Variants in PHLPP1 observed in about 807,000 individuals in gnomAD.
PHLPP1 encodes PH domain and leucine rich repeat protein phosphatase 1.
Under a neutral mutation model 117.2 loss-of-function variants are expected in PHLPP1, and 42 were observed. The ratio of observed to expected loss-of-function variants is 0.36; its 90% confidence interval spans 0.28 to 0.46. PHLPP1 has a LOEUF of 0.46. PHLPP1 is among the 20% of genes least tolerant of loss of function. The pLI is 1.00. For synonymous variants in PHLPP1, 1,042 were observed against 970.7 expected (o/e 1.07, Z -1.37); for missense variants, 2,084 against 2,241.9 (o/e 0.93, Z 1.42).
At chr18:62,817,803 A>G (rs1407217867) in intron 1 of PHLPP1, among the ~76,000 whole-genome samples, 3 of 152,132 alleles carry the variant, frequency 2.0e-5, no homozygotes, top group African/African-American at 7.2e-5. Context: ...TCTTTAAAAA[A>G]GCACTGACAG....
At chr18:62,922,286 G>A (rs1312661041) in intron 10 of PHLPP1, among the ~76,000 whole-genome samples, 3 of 152,148 alleles carry the variant, frequency 2.0e-5, no homozygotes. Context: ...ACAGGCGCAT[G>A]CCACCACTTC....
Position 62,731,966 on chromosome 18 carries a change from A to AG in PHLPP1, c.1576+14709dup, listed in dbSNP as rs568783884. ...CAAAAGAGAAGTTTGAAGCTAGCAGAGGTTGGTTCATGAGATTGAAGGAAA... is the reference window on the plus strand; with the variant it reads ...CAAAAGAGAAGTTTGAAGCTAGCAGAGGGTTGGTTCATGAGATTGAAGGAAA... On this transcript the variant is annotated intron_variant, in intron 1 of 16. Transcript: ENST00000262719. Among the ~76,000 whole-genome samples the AG allele has an allele frequency of 1.2e-3, 181 of 152,308 alleles. 1 individual carries two copies. The highest frequency in any genetic ancestry group is 6.2e-3 in the East Asian group (32 of 5,196).
chr18:62,854,373 A>C (rs1342027519), intron 3 of PHLPP1, among the ~76,000 whole-genome samples: 1 of 152,108 alleles, frequency 6.6e-6, no homozygotes, highest in Non-Finnish European at 1.5e-5. Flanking sequence ...CAGCTGGATA[A>C]GTTGTGTGGG....
intron 1 of PHLPP1, among the ~76,000 whole-genome samples, chr18:62,762,875 A>G (rs140819775): frequency 6.6e-6 from 1 of 152,224 alleles, no homozygotes; most frequent in Non-Finnish European, 1.5e-5. Flanking sequence ...TATATAATTC[A>G]TTTTAAAATA....
intron 12 of PHLPP1, among the ~76,000 whole-genome samples, chr18:62,947,826 G>A (rs1237059414): frequency 6.6e-6 from 1 of 151,826 alleles, no homozygotes; most frequent in East Asian, 1.9e-4. Context: ...AGGAGTTCGA[G>A]ACCAGCCTGG....
chr18:62,789,598 C>T (rs1169129100), intron 1 of PHLPP1, among the ~76,000 whole-genome samples: 1 of 152,086 alleles, frequency 6.6e-6, no homozygotes, highest in Non-Finnish European at 1.5e-5. Context: ...TCATCAGTGT[C>T]TTCTCACACA....
intron 4 of PHLPP1, among the ~76,000 whole-genome samples, chr18:62,887,038 C>G (rs975996874): frequency 2.6e-5 from 4 of 152,162 alleles, no homozygotes; most frequent in Admixed American, 6.6e-5. Flanking sequence ...TCAGAATATT[C>G]ACTGTCCTCC....
intron 15 of PHLPP1, among the ~76,000 whole-genome samples, chr18:62,974,187 G>A (rs1296184915): frequency 6.6e-6 from 1 of 152,172 alleles, no homozygotes; most frequent in African/African-American, 2.4e-5. Flanking sequence ...CCTGTGAAAG[G>A]GAGAAAGTAG....
At chr18:62,722,720 C>G (rs1910959934) in intron 1 of PHLPP1, among the ~76,000 whole-genome samples, 1 of 152,182 alleles carries the variant, frequency 6.6e-6, no homozygotes, top group African/African-American at 2.4e-5. Flanking sequence ...TAACCTAAGG[C>G]TGTATGACTG....
intron 4 of PHLPP1, among the ~76,000 whole-genome samples, chr18:62,877,297 T>C (rs1916071323): frequency 6.6e-6 from 1 of 152,252 alleles, no homozygotes; most frequent in South Asian, 2.1e-4. Flanking sequence ...TCATGAAGAC[T>C]TCTTTTAATG....
intron 1 of PHLPP1, among the ~76,000 whole-genome samples, chr18:62,764,252 G>T (rs1309255481): frequency 6.6e-6 from 1 of 151,156 alleles, no homozygotes; most frequent in Non-Finnish European, 1.5e-5. Context: ...CTGCTGTTCT[G>T]TTTTCTTATA....
chr18:62,963,182 C>T (rs1009239403), intron 13 of PHLPP1, among the ~76,000 whole-genome samples, 186 bp from the exon 14 acceptor site: 3 of 152,194 alleles, frequency 2.0e-5, no homozygotes, highest in Non-Finnish European at 2.9e-5. Flanking sequence ...ATATATGCCC[C>T]TCAGTTTTCA....
chr18:62,788,394 A>G (rs1356629814), intron 1 of PHLPP1, among the ~76,000 whole-genome samples: 1 of 152,150 alleles, frequency 6.6e-6, no homozygotes, highest in African/African-American at 2.4e-5. Context: ...ATCTCACTGT[A>G]ATTACCAGGG....
chr18:62,872,657 A>G (rs1031409877), intron 4 of PHLPP1, among the ~76,000 whole-genome samples: 4 of 150,710 alleles, frequency 2.7e-5, no homozygotes, highest in Non-Finnish European at 5.9e-5. Context: ...GCGCCACTGG[A>G]CTCTAGCCTG....
intron 10 of PHLPP1, among the ~76,000 whole-genome samples, chr18:62,933,126 G>A (rs546200851): frequency 2.6e-4 from 40 of 152,256 alleles, no homozygotes; most frequent in East Asian, 9.7e-4. Flanking sequence ...ACACAAACAA[G>A]TGGAAAAACA....
intron 4 of PHLPP1, among the ~76,000 whole-genome samples, chr18:62,890,822 C>A (rs1462990439): frequency 1.3e-5 from 2 of 152,092 alleles, no homozygotes; most frequent in African/African-American, 4.8e-5. Context: ...TGGATAATGT[C>A]TAGTGGATTT....
chr18:62,755,611 G>A lies in PHLPP1; in HGVS notation c.1576+38352G>A, dbSNP rs147071338. 1.0e-3 allele frequency among the ~76,000 whole-genome samples: 154 copies of A among 152,264 alleles called. 2 individuals carry two copies. The highest frequency in any genetic ancestry group is 3.5e-3 in the African/African-American group (147 of 41,562). The stretch of plus-strand genomic sequence containing the variant: ...GATGCAGTGAGAAGGTGCCAGCTAT[G>A]AGCTAGGAATCTGACCCTCACCAGA... On this transcript the variant is annotated intron_variant, in intron 1 of 16. Coordinates refer to ENST00000262719, the MANE Select transcript of PHLPP1 (RefSeq NM_194449.4).
intron 1 of PHLPP1, among the ~76,000 whole-genome samples, chr18:62,820,984 A>G (rs1914435527): frequency 6.6e-6 from 1 of 152,262 alleles, no homozygotes; most frequent in Non-Finnish European, 1.5e-5. Context: ...AATACGTGTC[A>G]ATTAAATTAC....
chr18:62,973,584 C>G (rs1868552191), intron 15 of PHLPP1, among the ~76,000 whole-genome samples: 1 of 152,112 alleles, frequency 6.6e-6, no homozygotes, highest in Admixed American at 6.5e-5. Flanking sequence ...GAAGTGGTGT[C>G]TGGGGAGGAG....
Sources: allele counts gnomAD v4.1 joint callset (sites outside exome capture counted in the v4.1 genomes callset), GRCh38; gene constraint gnomAD v4.1.1; transcripts MANE v1.5; gene names NCBI Gene and HGNC (gene_info 2026-07-23, HGNC 2026-07-21).